TECRL: variants seen among roughly 807,000 people sequenced by gnomAD.
TECRL encodes the protein trans-2,3-enoyl-CoA reductase like, also known as trans-2,3-enoyl-CoA reductase-like.
A neutral mutation model predicts 52.8 loss-of-function variants in TECRL; 63 were observed. The observed-to-expected ratio is 1.19, with a 90% CI of 0.97 to 1.47. TECRL has a LOEUF of 1.47. Among genes scored for constraint, TECRL ranks in the 40% most tolerant of loss-of-function variants. The pLI is 0.00. For missense variants in TECRL, 482 were observed against 429.6 expected (o/e 1.12, Z -1.08); for synonymous variants, 164 against 141.9 (o/e 1.16, Z -1.10).
chr4:64,404,220 C>A (rs1245829547), intron 1 of TECRL, among the ~76,000 whole-genome samples: 341 of 115,358 alleles, frequency 3.0e-3, no homozygotes, highest in South Asian at 3.6e-3. Flanking sequence ...AGAGTTTTAC[C>A]AAAAAAAAAA....
At chr4:64,403,507 A>G (rs910467845) in intron 1 of TECRL, among the ~76,000 whole-genome samples, 1 of 151,866 alleles carries the variant, frequency 6.6e-6, no homozygotes, top group East Asian at 1.9e-4. Context: ...ACACACATAG[A>G]CTTAGTAAAT....
chr4:64,378,868 A>C (rs1025731984), intron 1 of TECRL, among the ~76,000 whole-genome samples: 4 of 148,290 alleles, frequency 2.7e-5, no homozygotes, highest in Admixed American at 6.9e-5. Flanking sequence ...TTATCTAAGA[A>C]ATTGAAATGT....
At chr4:64,346,002 AGC>A (rs1491114167) in intron 2 of TECRL, among the ~76,000 whole-genome samples, 9 of 150,852 alleles carry the variant, frequency 6.0e-5, no homozygotes, top group Non-Finnish European at 1.2e-4. Flanking sequence ...TGCACACAGA[AGC>A]ACACACACAA....
At chr4:64,320,772 T>C (rs1225616669) in intron 4 of TECRL, among the ~76,000 whole-genome samples, 1 of 152,088 alleles carries the variant, frequency 6.6e-6, no homozygotes, top group African/African-American at 2.4e-5. Flanking sequence ...AACACTCTTT[T>C]CTAAAATCTC....
intron 2 of TECRL, among the ~76,000 whole-genome samples, chr4:64,372,823 A>T (rs1277302202): frequency 1.3e-5 from 2 of 151,736 alleles, no homozygotes; most frequent in Non-Finnish European, 3.0e-5. Flanking sequence ...AATGTCATAA[A>T]AATTAATTTG....
intron 2 of TECRL, among the ~76,000 whole-genome samples, chr4:64,346,989 G>A (rs1336925619): frequency 6.6e-6 from 1 of 152,196 alleles, no homozygotes; most frequent in Non-Finnish European, 1.5e-5. Context: ...CGTCTGTACA[G>A]TTTCTACCCA....
intron 5 of TECRL, among the ~76,000 whole-genome samples, chr4:64,310,459 T>C (rs936063014): frequency 6.6e-6 from 1 of 152,194 alleles, no homozygotes; most frequent in Admixed American, 6.5e-5. Context: ...TGTTTGTTTT[T>C]TCCTATCTAA....
chr4:64,315,188 C>T (rs1717411737), intron 4 of TECRL, among the ~76,000 whole-genome samples: 3 of 152,114 alleles, frequency 2.0e-5, no homozygotes, highest in African/African-American at 7.2e-5. Flanking sequence ...ACCCTACCCT[C>T]CATGGGCCTG....
intron 1 of TECRL, 23 bp from the exon 2 acceptor site, chr4:64,375,246 G>GTT: frequency 1.6e-6 from 2 of 1,264,594 alleles, no homozygotes; most frequent in Non-Finnish European, 2.1e-6. Context: ...AGAAAATAGA[G>GTT]TTATTTTTAA....
intron 1 of TECRL, among the ~76,000 whole-genome samples, chr4:64,388,682 T>C (rs927078185): frequency 2.0e-5 from 3 of 151,932 alleles, no homozygotes; most frequent in South Asian, 2.1e-4. Context: ...ATATATTTAG[T>C]TCTTTAGTTT....
chr4:64,298,256 T>G lies in TECRL; in HGVS notation c.774+1718A>C, dbSNP rs1199713118. 3.3e-5 allele frequency among the ~76,000 whole-genome samples: 5 copies of G among 151,380 alleles called. No individual in the cohort carries two copies. In the South Asian group the frequency reaches 8.3e-4, roughly 25 times the overall value. ...ATCACATTTACCTACTTCATCTCTA[T>G]TGGACATAGTCTATTACACCATCTA... On this transcript the variant is annotated intron_variant, in intron 8 of 11. Coordinates refer to ENST00000381210, the MANE Select transcript of TECRL (RefSeq NM_001010874.5).
chr4:64,403,365 GA>G (rs892740574), intron 1 of TECRL, among the ~76,000 whole-genome samples: 87 of 140,508 alleles, frequency 6.2e-4, no homozygotes, highest in African/African-American at 1.6e-3. Context: ...AACTTAAAAT[GA>G]AAAAAAAAAG....
At chr4:64,286,804 T>C (rs1723104540) in intron 9 of TECRL, among the ~76,000 whole-genome samples, 1 of 152,178 alleles carries the variant, frequency 6.6e-6, no homozygotes, top group Admixed American at 6.5e-5. Flanking sequence ...TCAAAATTAC[T>C]GGATGACTTA....
chr4:64,306,349 G>T (rs947270860), intron 6 of TECRL, among the ~76,000 whole-genome samples: 1 of 152,072 alleles, frequency 6.6e-6, no homozygotes, highest in Non-Finnish European at 1.5e-5. Flanking sequence ...GATATCCTGG[G>T]GCAACTGAAG....
At chr4:64,338,959 T>C (rs1719337760) in intron 2 of TECRL, among the ~76,000 whole-genome samples, 2 of 152,088 alleles carry the variant, frequency 1.3e-5, no homozygotes, top group Admixed American at 1.3e-4. Context: ...ATATAAATCA[T>C]GCTGCTATGA....
At chr4:64,346,836 T>C (rs11934224) in intron 2 of TECRL, among the ~76,000 whole-genome samples, 7,092 of 152,328 alleles carry the variant, frequency 0.047, 548 homozygotes, top group African/African-American at 0.16. Context: ...CTCCTGGATA[T>C]GAAGGACTTT....
At chr4:64,293,406 G>A (rs889546154) in intron 8 of TECRL, among the ~76,000 whole-genome samples, 4 of 152,046 alleles carry the variant, frequency 2.6e-5, no homozygotes, top group African/African-American at 4.8e-5. Flanking sequence ...TGTAAGTGAT[G>A]TATTATGCAG....
intron 2 of TECRL, among the ~76,000 whole-genome samples, chr4:64,339,126 C>T (rs1719353346): frequency 6.6e-6 from 1 of 151,824 alleles, no homozygotes; most frequent in South Asian, 2.1e-4. Context: ...AGTTCATGTC[C>T]TTTGTAGGGA....
chr4:64,378,904 A>ATG (rs1165203627), intron 1 of TECRL, among the ~76,000 whole-genome samples: 15 of 91,292 alleles, frequency 1.6e-4, no homozygotes, highest in Admixed American at 8.1e-4. Flanking sequence ...TTTTGTTTAT[A>ATG]AACTAAATTA....
Sources: allele counts gnomAD v4.1 joint callset (sites outside exome capture counted in the v4.1 genomes callset), GRCh38; gene constraint gnomAD v4.1.1; transcripts MANE v1.5; gene names NCBI Gene and HGNC (gene_info 2026-07-23, HGNC 2026-07-21).